The following SGCZ variants were observed in gnomAD, a reference collection of about 807,000 sequenced individuals.
SGCZ encodes zeta-sarcoglycan.
A neutral mutation model predicts 41.3 loss-of-function variants in SGCZ; 40 were observed. That is an observed-to-expected ratio of 0.97 (90% CI 0.75 to 1.26). The LOEUF (loss-of-function observed/expected upper bound fraction) is 1.26, where lower values mean the gene tolerates loss of function less well. SGCZ is among the 50% of genes most tolerant of loss of function. The probability of loss-of-function intolerance (pLI) is 0.00; values close to 1 mark genes in which losing one functional copy is unlikely to be tolerated. For synonymous variants in SGCZ, 206 were observed against 137.5 expected, an observed-to-expected ratio of 1.50 and a Z score of -3.49; for missense variants, 552 against 369.8, an observed-to-expected ratio of 1.49 and a Z score of -4.04.
chr8:14,331,330 G>C (rs974996332), intron 2 of SGCZ, among the ~76,000 whole-genome samples: 1 of 151,932 alleles, frequency 6.6e-6, no homozygotes, highest in African/African-American at 2.4e-5. Context: ...AATTAAAGAG[G>C]AGGAGGTTCT....
chr8:14,779,896 T>C (rs1451842552), intron 1 of SGCZ, among the ~76,000 whole-genome samples: 1 of 152,222 alleles, frequency 6.6e-6, no homozygotes, highest in African/African-American at 2.4e-5. Context: ...TTATGTAAAT[T>C]TGACCAACGT....
chr8:15,138,603 A>C (rs1430471936), intron 1 of SGCZ, among the ~76,000 whole-genome samples: 1 of 152,132 alleles, frequency 6.6e-6, no homozygotes, highest in Non-Finnish European at 1.5e-5. Flanking sequence ...TGGTGGTTTT[A>C]TAAGTGTCTG....
rs113069442 is a variant in SGCZ, at chr8:14,877,242, G to T, written c.40-322316C>A. ...CAGCCTTAGCCTCTCAAAGTGCTGG[G>T]ATTACCAAGTGTGAGCCACCACACC... is the stretch of plus-strand genomic sequence containing the variant. On this transcript the variant is annotated intron_variant, in intron 1 of 7. Transcript: ENST00000382080. 9.0e-3 allele frequency among the ~76,000 whole-genome samples: 1,374 copies of T among 152,214 alleles called. 16 individuals carry two copies. Among genetic ancestry groups the T allele is most frequent in the African/African-American group, 0.032 (1,311 of 41,526 alleles).
At chr8:14,979,811 T>G (rs1801603517) in intron 1 of SGCZ, among the ~76,000 whole-genome samples, 2 of 152,232 alleles carry the variant, frequency 1.3e-5, no homozygotes, top group African/African-American at 4.8e-5. Flanking sequence ...AAGTAATCCT[T>G]AAAATGAAAC....
chr8:14,299,711 T>A (rs1801124504), intron 3 of SGCZ, among the ~76,000 whole-genome samples: 1 of 151,936 alleles, frequency 6.6e-6, no homozygotes, highest in South Asian at 2.1e-4. Context: ...CTGCTGGTAG[T>A]ATTGTACCAA....
At chr8:14,829,685 G>A (rs192199976) in intron 1 of SGCZ, among the ~76,000 whole-genome samples, 5 of 146,944 alleles carry the variant, frequency 3.4e-5, no homozygotes, top group African/African-American at 1.3e-4. Flanking sequence ...ATTTTCTTAC[G>A]TCTTTTCTTA....
rs1563267352 is a variant in SGCZ, at chr8:14,784,931, T to A, written c.40-230005A>T. Reference sequence around the variant, plus strand: ...AAAAAAAAATATATATATATATATATATAAAATATATATATTTTTTATATT... The same window carrying A: ...AAAAAAAAATATATATATATATATAAATAAAATATATATATTTTTTATATT... On this transcript the variant is annotated intron_variant, in intron 1 of 7. Transcript: ENST00000382080. Among the ~76,000 whole-genome samples the A allele has an allele frequency of 3.7e-3, 363 of 97,488 alleles. 1 individual carries two copies. Among genetic ancestry groups the A allele is most frequent in the Middle Eastern group, 7.0e-3 (1 of 142 alleles). The allele number at this position is 97,488 out of a possible 152,430, so 64.0% of individuals were successfully genotyped here. A position where few individuals can be genotyped will look rare whatever the true frequency, so the allele number is the denominator to read the frequency against.
chr8:14,144,028 C>T (rs1803451022), intron 5 of SGCZ, among the ~76,000 whole-genome samples: 1 of 152,118 alleles, frequency 6.6e-6, no homozygotes, highest in African/African-American at 2.4e-5. Flanking sequence ...TCTGTGTCTC[C>T]AAATAAACTT....
chr8:14,949,243 G>A (rs1800551520), intron 1 of SGCZ, among the ~76,000 whole-genome samples: 1 of 152,058 alleles, frequency 6.6e-6, no homozygotes, highest in Non-Finnish European at 1.5e-5. Flanking sequence ...GATAATAGTA[G>A]CTATAAAATA....
At position 14,791,496 on chromosome 8, in the gene SGCZ, A is replaced by C. The variant is rs975426255; in HGVS notation, c.40-236570T>G. Among the ~76,000 whole-genome samples, 19 of 152,264 alleles carry C rather than the reference A, an allele frequency of 1.2e-4. 1 individual carries two copies. The highest frequency in any genetic ancestry group is 4.3e-4 in the African/African-American group (18 of 41,554). ...ATCCTATTTTTCCTTTAACCACCTA[A>C]AATCCACATCCCCTGTAGTTATCTA... On this transcript the variant is annotated intron_variant, in intron 1 of 7. Transcript: ENST00000382080.
chr8:14,136,277 G>T (rs970836922), intron 5 of SGCZ, among the ~76,000 whole-genome samples: 1 of 152,120 alleles, frequency 6.6e-6, no homozygotes, highest in African/African-American at 2.4e-5. Flanking sequence ...CTGAGGTACC[G>T]GGTTAATCTC....
intron 2 of SGCZ, among the ~76,000 whole-genome samples, chr8:14,402,521 C>G (rs1291432403): frequency 6.7e-6 from 1 of 149,246 alleles, no homozygotes; most frequent in Non-Finnish European, 1.5e-5. Context: ...AGCCAGTTTT[C>G]CCAGCACCAT....
intron 1 of SGCZ, among the ~76,000 whole-genome samples, chr8:15,217,841 A>T (rs1219957978): frequency 2.0e-5 from 3 of 152,166 alleles, no homozygotes; most frequent in African/African-American, 7.2e-5. Context: ...TAATCCCAGC[A>T]CTTTGGGAGG....
chr8:14,471,322 G>T (rs1801207689), intron 2 of SGCZ, among the ~76,000 whole-genome samples: 1 of 152,190 alleles, frequency 6.6e-6, no homozygotes, highest in African/African-American at 2.4e-5. Flanking sequence ...ACATTAATTA[G>T]CGTATGCTTA....
intron 2 of SGCZ, among the ~76,000 whole-genome samples, chr8:14,549,545 G>T (rs937932260): frequency 2.0e-5 from 3 of 152,032 alleles, no homozygotes; most frequent in African/African-American, 4.8e-5. Context: ...GAAAAATAAT[G>T]TATCACCTAC....
At chr8:14,575,280 A>C (rs1158992687) in intron 1 of SGCZ, among the ~76,000 whole-genome samples, 1 of 152,208 alleles carries the variant, frequency 6.6e-6, no homozygotes, top group Admixed American at 6.5e-5. Context: ...GATTCCAAAA[A>C]GAGATGTACA....
intron 3 of SGCZ, among the ~76,000 whole-genome samples, chr8:14,258,907 C>T (rs1359541324): frequency 6.6e-6 from 1 of 152,152 alleles, no homozygotes; most frequent in Non-Finnish European, 1.5e-5. Flanking sequence ...AATAATTAGA[C>T]ATTATAAATT....
intron 5 of SGCZ, among the ~76,000 whole-genome samples, chr8:14,124,650 A>G (rs551785806): frequency 6.6e-6 from 1 of 152,340 alleles, no homozygotes; most frequent in South Asian, 2.1e-4. Context: ...TCCAATTTAC[A>G]TAGCTACATC....
rs192557697 is a variant in SGCZ, at chr8:14,768,457, T to A, written c.40-213531A>T. Among the ~76,000 whole-genome samples, 21 of 152,322 alleles carry A rather than the reference T, an allele frequency of 1.4e-4. No individual in the cohort carries two copies. The East Asian group carries it at 3.9e-3, about 28-fold the overall frequency. On this transcript the variant is annotated intron_variant, in intron 1 of 7. Transcript: ENST00000382080. ...ACTTAAGCACTGTGGGGAATAACAA[T>A]AGAACAAAGATTTTACAAATTTACT...
Sources: allele counts gnomAD v4.1 joint callset (sites outside exome capture counted in the v4.1 genomes callset), GRCh38; gene constraint gnomAD v4.1.1; transcripts MANE v1.5; gene names NCBI Gene and HGNC (gene_info 2026-07-23, HGNC 2026-07-21).